The following POLR3B variants were observed in gnomAD, a reference collection of about 807,000 sequenced individuals.
The protein encoded by POLR3B is RNA polymerase III subunit B.
A neutral mutation model predicts 147.4 loss-of-function variants in POLR3B; 96 were observed. The ratio of observed to expected loss-of-function variants is 0.65; its 90% CI spans 0.55 to 0.77. The LOEUF is 0.77. POLR3B is among the 30% of genes least tolerant of loss of function. POLR3B has a pLI of 0.00. For missense variants in POLR3B, 1,036 were observed against 1,413.5 expected, an observed-to-expected ratio of 0.73 and a Z score of 4.28; for synonymous variants, 461 against 485.9, an observed-to-expected ratio of 0.95 and a Z score of 0.67.
intron 10 of POLR3B, among the ~76,000 whole-genome samples, chr12:106,393,539 A>G (rs570384137): frequency 4.6e-5 from 6 of 131,430 alleles, no homozygotes; most frequent in Admixed American, 3.1e-4. Context: ...GTATGTGTGC[A>G]TGCATTTCTC....
At chr12:106,445,511 C>T (rs1162202296) in intron 19 of POLR3B, among the ~76,000 whole-genome samples, 1 of 151,776 alleles carries the variant, frequency 6.6e-6, no homozygotes, top group African/African-American at 2.4e-5. Context: ...GGTACAGAGG[C>T]GTGAAGGGGA....
At chr12:106,481,962 T>C (rs1017079171) in intron 23 of POLR3B, among the ~76,000 whole-genome samples, 2 of 152,256 alleles carry the variant, frequency 1.3e-5, no homozygotes, top group South Asian at 2.1e-4. Context: ...TGTTTTTGTC[T>C]ATTTTAATCA....
At chr12:106,423,115 A>C (rs934882984) in intron 12 of POLR3B, among the ~76,000 whole-genome samples, 1 of 152,202 alleles carries the variant, frequency 6.6e-6, no homozygotes, top group Non-Finnish European at 1.5e-5. Flanking sequence ...TAGAATAGTA[A>C]AATTAACTGC....
rs1008863630 is a variant in POLR3B, at chr12:106,401,772, TA to T, written c.847-4080del. Among the ~76,000 whole-genome samples, 10 of 152,318 alleles carry T rather than the reference TA, an allele frequency of 6.6e-5. No individual in the cohort carries two copies. The South Asian group carries it at 1.7e-3, about 25-fold the overall frequency. ...TGACAAAATTCAACAACCTTCATGC[TA>T]AAAACTCTCAATAAATTAGGTATTG... On this transcript the variant is annotated intron_variant, in intron 10 of 27. Transcript: ENST00000228347.
At chr12:106,401,131 A>G (rs563538114) in intron 10 of POLR3B, among the ~76,000 whole-genome samples, 10 of 152,352 alleles carry the variant, frequency 6.6e-5, no homozygotes, top group African/African-American at 2.4e-4. Flanking sequence ...ATAAAAAGTG[A>G]TAAAGGGGAT....
At chr12:106,362,664 C>T (rs967017551) in intron 1 of POLR3B, among the ~76,000 whole-genome samples, 1 of 152,132 alleles carries the variant, frequency 6.6e-6, no homozygotes, top group Non-Finnish European at 1.5e-5. Context: ...GATTAGGGCT[C>T]ACCTTAATGA....
chr12:106,433,120 T>C (rs1303615560), intron 15 of POLR3B, among the ~76,000 whole-genome samples: 1 of 152,160 alleles, frequency 6.6e-6, no homozygotes, highest in Non-Finnish European at 1.5e-5. Context: ...AGGCATTAAC[T>C]CTTTTTTATA....
chr12:106,358,045 C>T (rs1291119317), intron 1 of POLR3B, 94 bp downstream of exon 1: 4 of 1,564,010 alleles, frequency 2.6e-6, no homozygotes, highest in South Asian at 2.3e-5. Flanking sequence ...GGCGGGCTGG[C>T]GGTTTGTGCG....
At position 106,376,466 on chromosome 12, in the gene POLR3B, T is replaced by G; in HGVS notation, c.496+16T>G. 6.4e-7 allele frequency: 1 copy of G among 1,554,734 alleles called. No individual in the cohort carries two copies. Among genetic ancestry groups the G allele is most frequent in the Non-Finnish European group, 8.9e-7 (1 of 1,127,304 alleles). ...TTAGATCCAGGTATGTGTGAAGTCT[T>G]GGATTTGTCCCACTTTCCTTATTCT... is the stretch of plus-strand genomic sequence containing the variant. On this transcript the variant is annotated intron_variant, in intron 7 of 27. Coordinates refer to ENST00000228347, the MANE Select transcript of POLR3B (RefSeq NM_018082.6).
chr12:106,383,092 T>C (rs1379301272), intron 9 of POLR3B, among the ~76,000 whole-genome samples: 1 of 152,228 alleles, frequency 6.6e-6, no homozygotes, highest in Admixed American at 6.5e-5. Flanking sequence ...ATAAATCTCA[T>C]GAACCAACCT....
chr12:106,436,073 A>C (rs2037572577), intron 16 of POLR3B, among the ~76,000 whole-genome samples: 1 of 152,120 alleles, frequency 6.6e-6, no homozygotes, highest in South Asian at 2.1e-4. Flanking sequence ...CAGAATTTCG[A>C]GGTACTGTGG....
At chr12:106,366,995 C>A (rs1473873750) in intron 4 of POLR3B, among the ~76,000 whole-genome samples, 1 of 152,112 alleles carries the variant, frequency 6.6e-6, no homozygotes, top group Non-Finnish European at 1.5e-5. Context: ...TCCAGATACT[C>A]AGGAGGCTGA....
chr12:106,410,850 A>G lies in POLR3B; in HGVS notation c.991A>G (p.Lys331Glu). The G allele has an allele frequency of 5.0e-6, 8 of 1,614,016 alleles. No homozygotes were observed. Among genetic ancestry groups the G allele is most frequent in the Non-Finnish European group, 6.8e-6 (8 of 1,179,914 alleles). ...GGTTAAGGAATTCAATTTCCGAGCCAAATGTATCTATACTGCAGTGATGGT... is the reference window on the plus strand; with the variant it reads ...GGTTAAGGAATTCAATTTCCGAGCCGAATGTATCTATACTGCAGTGATGGT... ...VPVKEFNFRA[K>E]CIYTAVMVRR... Residue 331 changes from lysine (K) to glutamate (E), a missense_variant, in exon 12 of 28, where the codon AAA (lysine) becomes GAA (glutamate). By Grantham distance (56) the Lys-to-Glu change is moderately conservative. Transcript: ENST00000228347.
chr12:106,384,835 T>C (rs999282395), intron 9 of POLR3B, among the ~76,000 whole-genome samples: 6 of 151,972 alleles, frequency 3.9e-5, no homozygotes, highest in Non-Finnish European at 5.9e-5. Flanking sequence ...AATGTCTTTT[T>C]TTTTTTTTTT....
intron 9 of POLR3B, among the ~76,000 whole-genome samples, chr12:106,383,462 CT>C (rs35608186): frequency 6.6e-6 from 1 of 151,478 alleles, no homozygotes. Context: ...ACATGCAACC[CT>C]TTTTTTTACT....
At chr12:106,358,295 C>A in intron 1 of POLR3B, 1 of 1,235,882 alleles carries the variant, frequency 8.1e-7, no homozygotes, top group Non-Finnish European at 1.0e-6. Context: ...TTACAGAGGA[C>A]ACGGGGCCAG....
intron 23 of POLR3B, among the ~76,000 whole-genome samples, chr12:106,487,651 T>G (rs1399780476): frequency 6.6e-6 from 1 of 151,922 alleles, no homozygotes. Flanking sequence ...CCTCTTCAGA[T>G]ATCCTAACAA....
chr12:106,493,652 G>A (rs2038435264), intron 23 of POLR3B, among the ~76,000 whole-genome samples: 1 of 152,180 alleles, frequency 6.6e-6, no homozygotes, highest in Non-Finnish European at 1.5e-5. Context: ...ATTTACTTGT[G>A]TCACTAGTGC....
At chr12:106,409,346 G>GTTTTTTTTTTTTTTTTTTTTTTTTTTTT (rs138257827) in intron 11 of POLR3B, among the ~76,000 whole-genome samples, 1 of 67,470 alleles carries the variant, frequency 1.5e-5, no homozygotes, top group Non-Finnish European at 2.6e-5. Flanking sequence ...TTGTAAGAGG[G>GTTTTTTTTTTTTTTTTTTTTTTTTTTTT]TTTTTTTTGT....
Sources: gnomAD v4.1 joint callset for allele counts (sites outside exome capture counted in the v4.1 genomes callset) on GRCh38, gnomAD v4.1.1 for gene constraint, MANE v1.5 for transcripts, NCBI Gene and HGNC (gene_info 2026-07-23, HGNC 2026-07-21) for gene names.